Variants in ZFYVE26 observed in about 807,000 individuals in gnomAD.
ZFYVE26 encodes zinc finger FYVE domain-containing protein 26.
A neutral mutation model predicts 276.5 loss-of-function variants in ZFYVE26; 181 were observed. The ratio of observed to expected loss-of-function variants is 0.65; its 90% CI spans 0.58 to 0.74. The LOEUF is 0.74. Among genes scored for constraint, ZFYVE26 ranks in the 30% least tolerant of loss-of-function variants. The pLI is 0.00. For synonymous variants in ZFYVE26, 1,129 were observed against 1,203.1 expected, an observed-to-expected ratio of 0.94 and a Z score of 1.27; for missense variants, 2,821 against 3,097.9, an observed-to-expected ratio of 0.91 and a Z score of 2.12.
chr14:67,801,221 A>G (rs2040072008), intron 10 of ZFYVE26, among the ~76,000 whole-genome samples: 1 of 152,092 alleles, frequency 6.6e-6, no homozygotes, highest in Non-Finnish European at 1.5e-5. Context: ...ACTGCACTCC[A>G]GCCTGGGCAA....
Position 67,776,001 on chromosome 14 carries a change from C to G in ZFYVE26, c.5080G>C (p.Ala1694Pro), listed in dbSNP as rs886050654. The part of the protein sequence containing the change: ...QLLMNMKVDW[A>P]TVAVQTLQQL... ...TGGAGAGTCTGCACAGCCACAGTGGCCCAATCCACCTTCATGTTCATAAGC... is the reference window on the plus strand; with the variant it reads ...TGGAGAGTCTGCACAGCCACAGTGGGCCAATCCACCTTCATGTTCATAAGC... The change falls in exon 26 of 42, where the codon GCC (alanine) becomes CCC (proline). Residue 1694 changes from alanine (A) to proline (P), a missense_variant. By Grantham distance (27) the Ala-to-Pro change is conservative. Coordinates refer to ENST00000347230, the MANE Select transcript of ZFYVE26 (RefSeq NM_015346.4). 2 of 1,614,054 alleles carry G rather than the reference C, an allele frequency of 1.2e-6. No homozygotes were observed. Among genetic ancestry groups the G allele is most frequent in the Non-Finnish European group, 1.7e-6 (2 of 1,180,036 alleles).
intron 5 of ZFYVE26, 75 bp from the exon 6 acceptor site, chr14:67,806,750 A>G: frequency 6.4e-7 from 1 of 1,574,440 alleles, no homozygotes; most frequent in Non-Finnish European, 8.7e-7. Context: ...TTGAACAACC[A>G]AGTGATGTGA....
intron 15 of ZFYVE26, 65 bp downstream of exon 15, chr14:67,790,507 T>C: frequency 6.4e-7 from 1 of 1,555,216 alleles, no homozygotes; most frequent in Non-Finnish European, 8.8e-7. Flanking sequence ...ATTTTAGTGG[T>C]TTCTCCCCTT....
intron 35 of ZFYVE26, among the ~76,000 whole-genome samples, chr14:67,758,428 T>C (rs547023054): frequency 1.3e-5 from 2 of 152,270 alleles, no homozygotes; most frequent in African/African-American, 4.8e-5. Flanking sequence ...TAATTGGTAC[T>C]AGGTCAGGTG....
In ZFYVE26 at chr14:67,783,671, T is replaced by A. The variant is rs2039571869; in HGVS notation, c.3627-146A>T. ...TTTTTTTAAAACACAAAAAGTAGCCTATTAGACATATCGCTCTGCCCTTTA... is the reference window on the plus strand; with the variant it reads ...TTTTTTTAAAACACAAAAAGTAGCCAATTAGACATATCGCTCTGCCCTTTA... On this transcript the variant is annotated intron_variant, in intron 20 of 41. Transcript: ENST00000347230. The A allele has an allele frequency of 2.2e-5, 22 of 1,017,924 alleles. No individual in the cohort carries two copies. In the South Asian group the frequency reaches 3.0e-4, roughly 14 times the overall value. The allele number at this position is 1,017,924 out of a possible 1,614,324, so 63.1% of individuals were successfully genotyped here. A position where few individuals can be genotyped will look rare whatever the true frequency, so the allele number is the denominator to read the frequency against.
chr14:67,730,365 AAG>A (rs1331098483), intron 13 of ZFYVE26, among the ~76,000 whole-genome samples: 1 of 152,152 alleles, frequency 6.6e-6, no homozygotes, highest in African/African-American at 2.4e-5. Flanking sequence ...GATGCACTGT[AAG>A]TGTACAGTGC....
Position 67,768,087 on chromosome 14 carries a change from C to T in ZFYVE26, c.5654-247G>A, listed in dbSNP as rs114560192. 4.4e-3 allele frequency among the ~76,000 whole-genome samples: 668 copies of T among 152,230 alleles called. 7 individuals carry two copies. The highest frequency in any genetic ancestry group is 0.015 in the African/African-American group (628 of 41,520). ...TAACCTTCTTGCTTCACACAAGAAA[C>T]CTTCAAAGGGGCGTGTTTCTCAAAT... On this transcript the variant is annotated intron_variant, in intron 30 of 41. Transcript: ENST00000347230.
intron 3 of ZFYVE26, among the ~76,000 whole-genome samples, chr14:67,813,043 A>AT (rs1432097142): frequency 6.6e-6 from 1 of 152,232 alleles, no homozygotes; most frequent in Non-Finnish European, 1.5e-5. Context: ...CAGATTAGCA[A>AT]TTTCTGTTAC....
Position 67,793,686 on chromosome 14 carries a change from G to A in ZFYVE26, c.2475C>T (p.Leu825=). The change falls in exon 14 of 42, where the codon CTC becomes CTT. Residue 825 remains leucine (L), a synonymous_variant. Transcript: ENST00000347230. ...CAGGTGGGGAGAACATCATGGGGAT[G>A]AGTGAACTTTGAGGATGGGGGTGCA... ...SRLHPHPQSS[L]IPMMFSPPES... 6.2e-7 allele frequency: 1 copy of A among 1,613,932 alleles called. No homozygotes were observed.
chr14:67,742,838 C>CTTCTTTTTTTTTTTTTTTTTTTTTTTTTT (rs769663149), downstream of ZFYVE26, among the ~76,000 whole-genome samples: 12 of 89,770 alleles, frequency 1.3e-4, no homozygotes, highest in Non-Finnish European at 2.2e-4. Flanking sequence ...TCTTCTTCTT[C>CTTCTTTTTTTTTTTTTTTTTTTTTTTTTT]TTTTTTTTTT....
At chr14:67,756,861 T>C (rs2038792115) in intron 35 of ZFYVE26, among the ~76,000 whole-genome samples, 1 of 152,198 alleles carries the variant, frequency 6.6e-6, no homozygotes, top group Admixed American at 6.5e-5. Context: ...CCAACTTATA[T>C]CCAATTGTCT....
chr14:67,771,917 C>T, intron 28 of ZFYVE26, 130 bp downstream of exon 28: 1 of 1,272,694 alleles, frequency 7.9e-7, no homozygotes, highest in Non-Finnish European at 1.1e-6. Context: ...AACCCAAAGT[C>T]TTAGATTTGG....
Position 67,782,832 on chromosome 14 carries a change from C to T in ZFYVE26, c.4320G>A (p.Val1440=). 6 of 1,614,222 alleles carry T rather than the reference C, an allele frequency of 3.7e-6. No individual in the cohort carries two copies. The highest frequency in any genetic ancestry group is 2.5e-6 in the Non-Finnish European group (3 of 1,180,040). ...LQLTEVYGRD[V]DDLSSIKDAV... is the part of the protein sequence containing the mutation. ...CATCCTTTATGCTGCTCAAATCGTC[C>T]ACATCTCGCCCGTACACTTCAGTGA... is the stretch of plus-strand genomic sequence containing the variant. The change falls in exon 21 of 42, where the codon GTG becomes GTA. Residue 1440 remains valine (V), a synonymous_variant. Coordinates refer to ENST00000347230, the MANE Select transcript of ZFYVE26 (RefSeq NM_015346.4).
In ZFYVE26 at chr14:67,806,546, A is replaced by G; in HGVS notation, c.1016T>C (p.Leu339Pro). 6.2e-7 allele frequency: 1 copy of G among 1,614,206 alleles called. No individual in the cohort carries two copies. Among genetic ancestry groups the G allele is most frequent in the Non-Finnish European group, 8.5e-7 (1 of 1,180,016 alleles). The change falls in exon 6 of 42, where the codon CTG (leucine) becomes CCG (proline). Residue 339 changes from leucine (L) to proline (P), a missense_variant and splice_region_variant. Coordinates refer to ENST00000347230, the MANE Select transcript of ZFYVE26 (RefSeq NM_015346.4). ...GATGAACAATTAAGCTTGACTTACC[A>G]GAATCTGCTCGAGGAAGTGTTTGTT... ...SNNKHFLEQI[L>P]VTALTLLKEE... is the part of the protein sequence containing the mutation.
intron 4 of ZFYVE26, 59 bp from the exon 5 acceptor site, chr14:67,807,979 T>C: frequency 1.3e-6 from 2 of 1,586,628 alleles, no homozygotes; most frequent in Non-Finnish European, 1.7e-6. Context: ...GTATCACTTG[T>C]GTGCCTTCAT....
rs775649052 is a variant in ZFYVE26 at position 67,774,989 on chromosome 14, T to C, written c.5320+27A>G. 3.2e-6 allele frequency: 5 copies of C among 1,556,124 alleles called. No individual in the cohort carries two copies. The African/African-American group carries it at 5.4e-5, about 17-fold the overall frequency. On this transcript the variant is annotated intron_variant, in intron 27 of 41. Transcript: ENST00000347230. ...AAGGCAAGACTAAACTGAAAAATTT[T>C]AGTGAATCATCAGAGCCAGTTCTTA...
intron 37 of ZFYVE26, 41 bp from the exon 38 acceptor site, chr14:67,754,253 C>T: frequency 6.2e-7 from 1 of 1,613,524 alleles, no homozygotes; most frequent in South Asian, 1.1e-5. Flanking sequence ...TCATGAGGGG[C>T]CCCAGGTGAC....
At chr14:67,734,063 T>C (rs1027274127) in intron 13 of ZFYVE26, 12 of 435,774 alleles carry the variant, frequency 2.8e-5, no homozygotes, top group African/African-American at 2.4e-4. Context: ...TAGAGTGTTC[T>C]TCTCTAAGAC....
rs760544248 is a variant in ZFYVE26 at position 67,798,211 on chromosome 14, G to C, written c.2051C>G (p.Ala684Gly). The change falls in exon 11 of 42, where the codon GCA becomes GGA. Residue 684 changes from alanine to glycine, a missense_variant. Physicochemically the swap from Ala to Gly is moderately conservative, Grantham distance 60 (BLOSUM62 0). Transcript: ENST00000347230. ...GISGFLADEF[A>G]IGAFLRLLQE... ...GAGAAGCCTGAGGAAGGCCCCTATTGCAAATTCATCAGCCAGAAATCCACT... is the reference window on the plus strand; with the variant it reads ...GAGAAGCCTGAGGAAGGCCCCTATTCCAAATTCATCAGCCAGAAATCCACT... 1.2e-6 allele frequency: 2 copies of C among 1,614,020 alleles called. No individual in the cohort carries two copies. Among genetic ancestry groups the C allele is most frequent in the African/African-American group, 2.7e-5 (2 of 74,904 alleles).
Sources: allele counts gnomAD v4.1 joint callset (sites outside exome capture counted in the v4.1 genomes callset), GRCh38; gene constraint gnomAD v4.1.1; transcripts MANE v1.5; gene names NCBI Gene and HGNC (gene_info 2026-07-23, HGNC 2026-07-21).